MRTFB: variants seen among roughly 807,000 people sequenced by gnomAD.
MRTFB encodes myocardin related transcription factor B.
A neutral mutation model predicts 104.2 loss-of-function variants in MRTFB; 29 were observed. The observed-to-expected ratio is 0.28, with a 90% CI of 0.21 to 0.38. MRTFB has a LOEUF of 0.38. MRTFB is among the 10% of genes least tolerant of loss of function. The pLI, the probability that MRTFB is intolerant of heterozygous loss-of-function variation, is 1.00. For synonymous variants in MRTFB, 535 were observed against 519.5 expected, an observed-to-expected ratio of 1.03 and a Z score of -0.41; for missense variants, 1,270 against 1,341.6, an observed-to-expected ratio of 0.95 and a Z score of 0.83.
upstream of MRTFB, among the ~76,000 whole-genome samples, chr16:14,066,563 G>T (rs142609256): frequency 2.0e-5 from 3 of 151,834 alleles, no homozygotes; most frequent in Non-Finnish European, 4.4e-5. Context: ...ATGAGCCACC[G>T]TGCCCGGCCT....
chr16:14,155,138 TCTTAC>T (rs1390794172), intron 3 of MRTFB, among the ~76,000 whole-genome samples: 1 of 152,212 alleles, frequency 6.6e-6, no homozygotes, highest in Non-Finnish European at 1.5e-5. Flanking sequence ...ATTCTTCTTG[TCTTAC>T]CTTGTTTAAT....
chr16:14,119,221 G>A (rs2036708745), intron 2 of MRTFB, among the ~76,000 whole-genome samples: 1 of 152,172 alleles, frequency 6.6e-6, no homozygotes, highest in Non-Finnish European at 1.5e-5. Flanking sequence ...AAAGAAAGGT[G>A]CCATACAGAA....
intron 2 of MRTFB, among the ~76,000 whole-genome samples, chr16:14,115,942 G>A (rs1162392548): frequency 1.3e-5 from 2 of 152,012 alleles, no homozygotes; most frequent in African/African-American, 2.4e-5. Context: ...CTGGATCACA[G>A]GGGCCTCCTC....
chr16:13,998,169 C>A, the MRTFB span, among the ~76,000 whole-genome samples: 1 of 152,132 alleles, frequency 6.6e-6, no homozygotes, highest in African/African-American at 2.4e-5. Context: ...GGGGGTGAGT[C>A]GTAGGCAGGC....
At chr16:14,019,352 G>C in the MRTFB span, 1 of 152,128 alleles carries the variant, frequency 6.6e-6, no homozygotes, top group Non-Finnish European at 1.5e-5. Context: ...CTGTAATTGA[G>C]TCTTCAAAGG....
the MRTFB span, among the ~76,000 whole-genome samples, chr16:13,995,281 T>C: frequency 6.6e-6 from 1 of 152,208 alleles, no homozygotes; most frequent in Admixed American, 6.5e-5. Flanking sequence ...TAAGGTCTGA[T>C]ACCATTCCTG....
At chr16:14,247,693 A>G in intron 12 of MRTFB, 186 bp downstream of exon 12, 1 of 601,006 alleles carries the variant, frequency 1.7e-6, no homozygotes, top group South Asian at 2.3e-5. Flanking sequence ...TATATAGTGA[A>G]AAAAACACAG....
chr16:14,003,644 C>CCTGCCTGCCTGCCTG, the MRTFB span, among the ~76,000 whole-genome samples: 193 of 10,470 alleles, frequency 0.018, 1 homozygote, highest in South Asian at 0.15. Flanking sequence ...CTGCCTGCCT[C>CCTGCCTGCCTGCCTG]CCTCCCTCCC....
At chr16:14,125,025 A>G (rs1199238936) in intron 2 of MRTFB, among the ~76,000 whole-genome samples, 1 of 152,158 alleles carries the variant, frequency 6.6e-6, no homozygotes, top group African/African-American at 2.4e-5. Flanking sequence ...GTACTTTGAT[A>G]CCTAGTAGAA....
chr16:14,081,527 C>T (rs1204577728), intron 2 of MRTFB, among the ~76,000 whole-genome samples: 6 of 152,010 alleles, frequency 3.9e-5, no homozygotes, highest in Admixed American at 6.6e-5. Context: ...TCCTGACCTC[C>T]GATGATCCAC....
At chr16:14,258,228 TC>T in intron 16 of MRTFB, 67 bp downstream of exon 16, 1 of 1,247,016 alleles carries the variant, frequency 8.0e-7, no homozygotes, top group Non-Finnish European at 1.2e-6. Context: ...TGAAAGTTTT[TC>T]TTAAGCACTC....
chr16:14,022,684 C>T, the MRTFB span, among the ~76,000 whole-genome samples: 3 of 151,972 alleles, frequency 2.0e-5, no homozygotes, highest in Admixed American at 6.5e-5. Flanking sequence ...AGCCACCATG[C>T]CCGGCCATAA....
intron 3 of MRTFB, among the ~76,000 whole-genome samples, chr16:14,172,553 A>G (rs2039457409): frequency 6.6e-6 from 1 of 152,038 alleles, no homozygotes; most frequent in South Asian, 2.1e-4. Context: ...TCCTAGAGAG[A>G]GGGTTGCTGG....
At chr16:14,222,028 C>T (rs28649474) in intron 8 of MRTFB, among the ~76,000 whole-genome samples, 8,507 of 152,180 alleles carry the variant, frequency 0.056, 745 homozygotes, top group African/African-American at 0.18. Flanking sequence ...GATCTGCCCA[C>T]CTCGCCCTCC....
chr16:14,192,863 G>A (rs1390569298), intron 3 of MRTFB, among the ~76,000 whole-genome samples: 3 of 152,088 alleles, frequency 2.0e-5, no homozygotes, highest in African/African-American at 7.2e-5. Flanking sequence ...TGTCCACCCA[G>A]TGGCTCCTGC....
chr16:14,023,848 T>C, the MRTFB span, among the ~76,000 whole-genome samples: 1 of 152,128 alleles, frequency 6.6e-6, no homozygotes, highest in East Asian at 1.9e-4. Context: ...GTCAGGAGTT[T>C]AAGACCAGCC....
In MRTFB at chr16:14,262,575, C is replaced by G. The variant is rs974636529; in HGVS notation, c.*1131C>G. 7 of 152,210 alleles carry G rather than the reference C, an allele frequency of 4.6e-5. No homozygotes were observed. The highest frequency in any genetic ancestry group is 2.0e-4 in the Admixed American group (3 of 15,280). The allele number at this position is 152,210 out of a possible 1,614,324, so 9.4% of individuals were successfully genotyped here. On this transcript the variant is annotated 3_prime_UTR_variant, in exon 17 of 17. Coordinates refer to ENST00000571589, the MANE Select transcript of MRTFB (RefSeq NM_001308142.2). The stretch of plus-strand genomic sequence containing the variant: ...TGGCCCTCTTTCTTCTGTCACTAAC[C>G]CTGGTTATCATTTTACAGGCTTGTA...
At chr16:14,029,471 C>G in the MRTFB span, among the ~76,000 whole-genome samples, 1 of 117,358 alleles carries the variant, frequency 8.5e-6, no homozygotes, top group Non-Finnish European at 1.8e-5. Context: ...TATATATAAA[C>G]ACACACATAT....
chr16:14,247,128 A>G lies in MRTFB; in HGVS notation c.1868A>G (p.His623Arg). The stretch of plus-strand genomic sequence containing the variant: ...GAAGCCCAGCCCAGTGCCCCAGGTC[A>G]TTCTGTCAAGTCAGATCAGAAGCAC... The part of the protein sequence containing the change: ...PLEAQPSAPG[H>R]SVKSDQKHGS... The change falls in exon 12 of 17, where the codon CAT (histidine) becomes CGT (arginine). Residue 623 changes from histidine (H) to arginine (R), a missense_variant. Physicochemically the swap from His to Arg is conservative, Grantham distance 29 (BLOSUM62 0). This residue lies in a region of MRTFB where 1,144 missense variants were observed against 1,131.5 expected (regional missense o/e 1.01). Transcript: ENST00000571589. 3 of 1,614,174 alleles carry G rather than the reference A, an allele frequency of 1.9e-6. No individual in the cohort carries two copies. Among genetic ancestry groups the G allele is most frequent in the South Asian group, 2.2e-5 (2 of 91,090 alleles).
Sources: gnomAD v4.1 joint callset for allele counts (sites outside exome capture counted in the v4.1 genomes callset) on GRCh38, gnomAD v4.1.1 for gene constraint, gnomAD v4.1.1 regional missense constraint, MANE v1.5 for transcripts, NCBI Gene and HGNC (gene_info 2026-07-23, HGNC 2026-07-21) for gene names.